The following DENND4C variants were observed in gnomAD, a reference collection of about 807,000 sequenced individuals.
The protein encoded by DENND4C is DENN domain-containing protein 4C.
In DENND4C, 108 loss-of-function variants were observed where a neutral mutation model predicts 203.0. The ratio of observed to expected loss-of-function variants is 0.53; its 90% CI spans 0.46 to 0.62. The LOEUF (loss-of-function observed/expected upper bound fraction) is 0.62, where lower values mean the gene tolerates loss of function less well. DENND4C is among the 20% of genes least tolerant of loss of function. DENND4C has a pLI of 0.00. For missense variants in DENND4C, 2,481 were observed against 2,301.2 expected, an observed-to-expected ratio of 1.08 and a Z score of -1.60; for synonymous variants, 871 against 792.4, an observed-to-expected ratio of 1.10 and a Z score of -1.67.
intron 30 of DENND4C, among the ~76,000 whole-genome samples, chr9:19,363,915 G>A (rs1463322170): frequency 6.6e-6 from 1 of 152,120 alleles, no homozygotes; most frequent in Non-Finnish European, 1.5e-5. Flanking sequence ...TCAGGAGGCT[G>A]AGGCAGGAGA....
At chr9:19,336,167 T>TTG (rs534665023) in intron 18 of DENND4C, 103 bp from the exon 19 acceptor site, 71 of 860,806 alleles carry the variant, frequency 8.2e-5, no homozygotes, top group East Asian at 5.0e-4. Flanking sequence ...CTTTTTATAT[T>TTG]TGTGTATATA....
At chr9:19,335,425 G>T (rs1820225994) in intron 18 of DENND4C, among the ~76,000 whole-genome samples, 1 of 152,064 alleles carries the variant, frequency 6.6e-6, no homozygotes, top group Admixed American at 6.6e-5. Context: ...TAGTCCCCAT[G>T]TTGTTCAATA....
At chr9:19,344,923 C>G (rs1452003460) in intron 22 of DENND4C, among the ~76,000 whole-genome samples, 2 of 152,156 alleles carry the variant, frequency 1.3e-5, no homozygotes, top group Non-Finnish European at 2.9e-5. Flanking sequence ...TTCCAGGTTG[C>G]AGAGTGCTAA....
chr9:19,267,181 G>C (rs1442228386), intron 1 of DENND4C, among the ~76,000 whole-genome samples: 1 of 152,168 alleles, frequency 6.6e-6, no homozygotes. Context: ...ATGTCTGGAA[G>C]ATCTGTCCAG....
chr9:19,236,662 T>G (rs1281073153), intron 1 of DENND4C, among the ~76,000 whole-genome samples: 1 of 152,194 alleles, frequency 6.6e-6, no homozygotes, highest in African/African-American at 2.4e-5. Context: ...CACCTAGGCA[T>G]GTATTGAGAA....
At position 19,346,487 on chromosome 9, in the gene DENND4C, G is replaced by A; in HGVS notation, c.3718G>A (p.Val1240Met). 6.2e-7 allele frequency: 1 copy of A among 1,614,184 alleles called. No individual in the cohort carries two copies. The highest frequency in any genetic ancestry group is 8.5e-7 in the Non-Finnish European group (1 of 1,180,028). Residue 1240 changes from valine (V) to methionine (M), a missense_variant, in exon 23 of 33, where the codon GTG becomes ATG. Physicochemically the swap from Val to Met is conservative, Grantham distance 21. This residue lies in a region of DENND4C where 2,289 missense variants were observed against 2,113.3 expected (regional missense o/e 1.08). Coordinates refer to ENST00000434457, the MANE Select transcript of DENND4C (RefSeq NM_001330640.2). The stretch of plus-strand genomic sequence containing the variant: ...AAGTAGTTTATATGGTATTGCTAAG[G>A]TGGTTCAGAGGGAAGATGTTGAAAC... ...KRSSLYGIAK[V>M]VQREDVETGL...
In DENND4C at chr9:19,323,519, A is replaced by G. The variant is rs560372823; in HGVS notation, c.1808-843A>G. Among the ~76,000 whole-genome samples, 4 of 152,228 alleles carry G rather than the reference A, an allele frequency of 2.6e-5. No individual in the cohort carries two copies. The East Asian group carries it at 7.7e-4, about 29-fold the overall frequency. On this transcript the variant is annotated intron_variant, in intron 12 of 32. Transcript: ENST00000434457. ...TGGAAGAATGATGGTGGTAGGAATT[A>G]GAAAGGAGGAGACCTTGAATCAGAT...
At chr9:19,319,991 A>G (rs1247977535) in intron 12 of DENND4C, among the ~76,000 whole-genome samples, 2 of 152,104 alleles carry the variant, frequency 1.3e-5, no homozygotes, top group East Asian at 3.8e-4. Context: ...GTTATTTACC[A>G]TTTCTTCTGC....
At chr9:19,266,959 C>T (rs7873748) in intron 1 of DENND4C, among the ~76,000 whole-genome samples, 28,809 of 152,000 alleles carry the variant, frequency 0.19, 2,814 homozygotes, top group Admixed American at 0.21. Flanking sequence ...TTTATCACAT[C>T]GTGGTCAGAG....
At chr9:19,371,899 A>G in intron 32 of DENND4C, 79 bp downstream of exon 32, 1 of 1,306,702 alleles carries the variant, frequency 7.7e-7, no homozygotes, top group South Asian at 1.3e-5. Flanking sequence ...TGTAGCTGGT[A>G]TGTATAAAAG....
chr9:19,371,244 G>A (rs972627675), intron 31 of DENND4C: 1 of 152,260 alleles, frequency 6.6e-6, no homozygotes, highest in Non-Finnish European at 1.5e-5. Flanking sequence ...CCAAATAAAG[G>A]TGAACTGTCC....
At chr9:19,288,715 A>G (rs765431714) in intron 4 of DENND4C, 50 bp downstream of exon 4, 1 of 1,047,508 alleles carries the variant, frequency 9.5e-7, no homozygotes, top group Non-Finnish European at 1.2e-6. Flanking sequence ...ATTGGTGCAT[A>G]TTAACATTTG....
chr9:19,301,275 A>C (rs911865285), intron 9 of DENND4C, among the ~76,000 whole-genome samples: 2 of 151,980 alleles, frequency 1.3e-5, no homozygotes, highest in African/African-American at 4.8e-5. Context: ...CAACCCTATC[A>C]CCCATTAGTT....
chr9:19,337,561 G>A (rs1230317652), intron 20 of DENND4C: 17 of 1,177,394 alleles, frequency 1.4e-5, no homozygotes, highest in African/African-American at 3.2e-5. Context: ...CTGTTTCTTG[G>A]TGCTGCATTT....
intron 24 of DENND4C, among the ~76,000 whole-genome samples, chr9:19,351,867 T>C (rs1824219720): frequency 6.6e-6 from 1 of 151,856 alleles, no homozygotes; most frequent in Admixed American, 6.6e-5. Context: ...AAGAATCGTA[T>C]AATGAACAAT....
At chr9:19,328,857 T>C (rs549837912) in intron 16 of DENND4C, among the ~76,000 whole-genome samples, 122 of 152,122 alleles carry the variant, frequency 8.0e-4, no homozygotes, top group Middle Eastern at 3.4e-3. Context: ...GAGACCAGCC[T>C]GACCAACATG....
chr9:19,300,100 C>T, intron 8 of DENND4C, 87 bp from the exon 9 acceptor site: 1 of 1,312,708 alleles, frequency 7.6e-7, no homozygotes, highest in Non-Finnish European at 1.0e-6. Flanking sequence ...ACTAGACTCT[C>T]AATCTGTTGA....
intron 5 of DENND4C, among the ~76,000 whole-genome samples, chr9:19,293,516 C>G (rs1163574632): frequency 6.6e-6 from 1 of 150,674 alleles, no homozygotes; most frequent in African/African-American, 2.4e-5. Context: ...GGCAAGGGTT[C>G]CTGTGATATA....
At chr9:19,364,940 G>A (rs1827324752) in intron 30 of DENND4C, among the ~76,000 whole-genome samples, 2 of 152,240 alleles carry the variant, frequency 1.3e-5, no homozygotes, top group Middle Eastern at 3.4e-3. Context: ...CCCAGGGGGA[G>A]AGGCAGGTCA....
Sources: allele counts gnomAD v4.1 joint callset (sites outside exome capture counted in the v4.1 genomes callset), GRCh38; gene constraint gnomAD v4.1.1; regional missense constraint gnomAD v4.1.1; transcripts MANE v1.5; gene names NCBI Gene and HGNC (gene_info 2026-07-23, HGNC 2026-07-21).